Variants in KAZN observed in about 807,000 individuals in gnomAD.
KAZN encodes kazrin, periplakin interacting protein.
Under a neutral mutation model 87.4 loss-of-function variants are expected in KAZN, and 40 were observed. That is an observed-to-expected ratio of 0.46 (90% CI 0.36 to 0.60). The LOEUF (loss-of-function observed/expected upper bound fraction) is 0.60. Ranked by LOEUF, KAZN falls within the 20% of genes least tolerant of loss-of-function variation. The pLI is 0.00. For synonymous variants in KAZN, 466 were observed against 458.3 expected (o/e 1.02, Z -0.22); for missense variants, 898 against 1,073.9 (o/e 0.84, Z 2.29).
chr1:14,744,569 C>T (rs1314412362), intron 1 of KAZN, among the ~76,000 whole-genome samples: 4 of 151,692 alleles, frequency 2.6e-5, no homozygotes, highest in South Asian at 2.1e-4. Context: ...GTACTCTACA[C>T]AAAATAAAAA....
chr1:14,003,337 A>C (rs1323085824), intron 1 of KAZN, among the ~76,000 whole-genome samples: 1 of 151,998 alleles, frequency 6.6e-6, no homozygotes, highest in Non-Finnish European at 1.5e-5. Context: ...AAAATTAAAA[A>C]AAAAAAAAAA....
chr1:14,054,177 A>G (rs551424911), intron 1 of KAZN, among the ~76,000 whole-genome samples: 1 of 152,274 alleles, frequency 6.6e-6, no homozygotes, highest in East Asian at 1.9e-4. Flanking sequence ...AAAAAATCTC[A>G]CATGTAACTG....
At position 14,534,631 on chromosome 1, in the gene KAZN, C is replaced by T. The variant is rs532919821; in HGVS notation, c.250-64352C>T. Among the ~76,000 whole-genome samples the T allele has an allele frequency of 8.5e-5, 13 of 152,104 alleles. 1 individual carries two copies. The South Asian group carries it at 2.3e-3, about 27-fold the overall frequency. ...CTGCACTCCAGCCTGGGAGCCAGAGCGAGACTCCATCTCAAAAAAATAAAA... is the reference window on the plus strand; with the variant it reads ...CTGCACTCCAGCCTGGGAGCCAGAGTGAGACTCCATCTCAAAAAAATAAAA... On this transcript the variant is annotated intron_variant, in intron 2 of 16. Transcript: ENST00000636203.
chr1:14,023,727 A>C (rs1404080154), intron 1 of KAZN, among the ~76,000 whole-genome samples: 1 of 152,208 alleles, frequency 6.6e-6, no homozygotes, highest in Non-Finnish European at 1.5e-5. Context: ...AGGAGGTAGA[A>C]TTGAGTGACA....
chr1:14,938,961 A>G (rs1660758332), intron 1 of KAZN, among the ~76,000 whole-genome samples: 1 of 151,970 alleles, frequency 6.6e-6, no homozygotes, highest in Non-Finnish European at 1.5e-5. Flanking sequence ...TTATTTATTC[A>G]TTTTTTGTTT....
In KAZN at chr1:14,363,849, C is replaced by T. The variant is rs562772260; in HGVS notation, c.249+183257C>T. ...AGTGTCCTACAAAAAAGGGTTTCTACGGTCAAATAATTTGGGGAACCACTG... is the reference window on the plus strand; with the variant it reads ...AGTGTCCTACAAAAAAGGGTTTCTATGGTCAAATAATTTGGGGAACCACTG... On this transcript the variant is annotated intron_variant, in intron 2 of 16. Coordinates refer to the KAZN transcript ENST00000636203. Among the ~76,000 whole-genome samples the T allele has an allele frequency of 1.3e-3, 201 of 152,220 alleles. 1 individual carries two copies. The highest frequency in any genetic ancestry group is 2.0e-3 in the Non-Finnish European group (134 of 68,026).
chr1:14,549,574 G>A (rs150841017), intron 2 of KAZN, among the ~76,000 whole-genome samples: 1 of 151,072 alleles, frequency 6.6e-6, no homozygotes, highest in Non-Finnish European at 1.5e-5. Flanking sequence ...CCAAACTTAC[G>A]AACAGATACA....
intron 1 of KAZN, among the ~76,000 whole-genome samples, chr1:14,926,492 A>G (rs1659185398): frequency 6.6e-6 from 1 of 152,204 alleles, no homozygotes; most frequent in Non-Finnish European, 1.5e-5. Flanking sequence ...TACAGATGAC[A>G]TCACTGGCAT....
At chr1:13,980,618 T>C (rs552390810) in intron 1 of KAZN, among the ~76,000 whole-genome samples, 82 of 152,232 alleles carry the variant, frequency 5.4e-4, no homozygotes, top group African/African-American at 1.9e-3. Context: ...CCCAAATATA[T>C]AAAGCAAAAG....
chr1:14,919,047 G>A (rs966858888), intron 1 of KAZN, among the ~76,000 whole-genome samples: 21 of 151,962 alleles, frequency 1.4e-4, no homozygotes, highest in African/African-American at 4.4e-4. Flanking sequence ...ACATACCCAC[G>A]CAACTACCAT....
intron 1 of KAZN, among the ~76,000 whole-genome samples, chr1:14,893,599 C>G (rs1654956500): frequency 6.6e-6 from 1 of 152,162 alleles, no homozygotes; most frequent in Admixed American, 6.5e-5. Flanking sequence ...TGCTACTGCT[C>G]TCCCTACAGG....
At chr1:14,004,792 A>G (rs1452509212) in intron 1 of KAZN, among the ~76,000 whole-genome samples, 1 of 152,124 alleles carries the variant, frequency 6.6e-6, no homozygotes, top group Non-Finnish European at 1.5e-5. Flanking sequence ...TGGGGCCTTT[A>G]GGAGGTGATT....
chr1:14,416,513 G>A (rs957702345), intron 2 of KAZN, among the ~76,000 whole-genome samples: 6 of 152,162 alleles, frequency 3.9e-5, no homozygotes, highest in African/African-American at 7.2e-5. Flanking sequence ...AAGGCAGGCA[G>A]ATCACCTGAG....
intron 2 of KAZN, among the ~76,000 whole-genome samples, chr1:14,426,387 C>T (rs1315874031): frequency 6.6e-6 from 1 of 152,140 alleles, no homozygotes; most frequent in African/African-American, 2.4e-5. Context: ...TTGTCTTCTC[C>T]CCTCAGCCCC....
chr1:14,364,116 G>A (rs560619792), intron 2 of KAZN, among the ~76,000 whole-genome samples: 1 of 152,214 alleles, frequency 6.6e-6, no homozygotes, highest in African/African-American at 2.4e-5. Flanking sequence ...CATTAGAGAT[G>A]TGTTGTTGAC....
chr1:14,377,891 G>A lies in KAZN; in HGVS notation c.249+197299G>A, dbSNP rs79024336. Among the ~76,000 whole-genome samples the A allele has an allele frequency of 1.3e-3, 195 of 151,734 alleles. 4 individuals carry two copies. In the East Asian group the frequency reaches 0.032, roughly 25 times the overall value. ...CTACCCACTTGATGCCAGTAACATC[G>A]TCTCTTCCCAAATGGAAAAACTGAG... is the stretch of plus-strand genomic sequence containing the variant. On this transcript the variant is annotated intron_variant, in intron 2 of 16. Coordinates refer to the KAZN transcript ENST00000636203.
At chr1:14,695,042 T>C (rs1029212092) in intron 1 of KAZN, among the ~76,000 whole-genome samples, 4 of 152,206 alleles carry the variant, frequency 2.6e-5, no homozygotes, top group Non-Finnish European at 5.9e-5. Context: ...CACTTCAAAG[T>C]CTGCCAAGAT....
At position 15,098,153 on chromosome 1, in the gene KAZN, C is replaced by T. The variant is rs1180937894; in HGVS notation, c.1547+3220C>T. ...AGAACCAGAACAGCTTCCCGTTTTC[C>T]GTGCTGCGCCGTGACCCAGACAATA... On this transcript the variant is annotated intron_variant, in intron 10 of 14. Transcript: ENST00000376030. Among the ~76,000 whole-genome samples, 8 of 152,354 alleles carry T rather than the reference C, an allele frequency of 5.3e-5. No individual in the cohort carries two copies. In the South Asian group the frequency reaches 1.0e-3, roughly 20 times the overall value.
intron 1 of KAZN, among the ~76,000 whole-genome samples, chr1:14,926,770 G>C (rs1370970266): frequency 6.6e-6 from 1 of 152,228 alleles, no homozygotes; most frequent in Non-Finnish European, 1.5e-5. Context: ...CAGCCAGGCT[G>C]TGCGGTGGCT....
Sources: gnomAD v4.1 joint callset for allele counts (sites outside exome capture counted in the v4.1 genomes callset) on GRCh38, gnomAD v4.1.1 for gene constraint, MANE v1.5 for transcripts, NCBI Gene and HGNC (gene_info 2026-07-23, HGNC 2026-07-21) for gene names.